The following TBC1D31 variants were observed in gnomAD, a reference collection of about 807,000 sequenced individuals.
TBC1D31 encodes TBC1 domain family member 31.
A neutral mutation model predicts 132.9 loss-of-function variants in TBC1D31; 99 were observed. That is an observed-to-expected ratio of 0.74 (90% CI 0.63 to 0.88). TBC1D31 has a LOEUF of 0.88. Among genes scored for constraint, TBC1D31 ranks in the 40% least tolerant of loss-of-function variants. The pLI is 0.00. For missense variants in TBC1D31, 1,134 were observed against 1,256.6 expected, an observed-to-expected ratio of 0.90 and a Z score of 1.48; for synonymous variants, 385 against 419.4, an observed-to-expected ratio of 0.92 and a Z score of 1.00.
chr8:123,114,332 G>GTTT (rs1818724902), intron 10 of TBC1D31, among the ~76,000 whole-genome samples: 1 of 151,942 alleles, frequency 6.6e-6, no homozygotes, highest in South Asian at 2.1e-4. Flanking sequence ...TGTTGTTGTT[G>GTTT]TTGTTGAGAC....
intron 5 of TBC1D31, 44 bp from the exon 6 acceptor site, chr8:123,097,238 A>G: frequency 6.2e-7 from 1 of 1,609,022 alleles, no homozygotes; most frequent in South Asian, 1.1e-5. Flanking sequence ...TGCTGCTACA[A>G]ACAATTGAAC....
intron 11 of TBC1D31, among the ~76,000 whole-genome samples, chr8:123,121,720 C>A (rs575177725): frequency 1.3e-3 from 205 of 152,282 alleles, no homozygotes; most frequent in African/African-American, 4.8e-3. Flanking sequence ...ATCAATTCAA[C>A]CCTTTTCTTT....
At chr8:123,160,588 C>T in the TBC1D31 span, among the ~76,000 whole-genome samples, 1 of 152,124 alleles carries the variant, frequency 6.6e-6, no homozygotes, top group Non-Finnish European at 1.5e-5. Context: ...CCAGACCTGG[C>T]TGAGCCCGGC....
chr8:123,088,207 A>G (rs1368921555), intron 4 of TBC1D31, among the ~76,000 whole-genome samples: 1 of 151,976 alleles, frequency 6.6e-6, no homozygotes, highest in Non-Finnish European at 1.5e-5. Flanking sequence ...AAAAAATACA[A>G]TACAATAAAA....
rs1817380090 is a variant in TBC1D31, at chr8:123,101,169, T to C, written c.1032+162T>C. On this transcript the variant is annotated intron_variant, in intron 7 of 21. Coordinates refer to ENST00000287380, the MANE Select transcript of TBC1D31 (RefSeq NM_145647.4). ...ACTCCCAAAGCCACATCTCTGGCCTTGATTTCTCACGTATGCTCCATTCTT... is the reference window on the plus strand; with the variant it reads ...ACTCCCAAAGCCACATCTCTGGCCTCGATTTCTCACGTATGCTCCATTCTT... The C allele has an allele frequency of 5.3e-6, 3 of 563,520 alleles. 1 individual carries two copies. In the South Asian group the frequency reaches 6.2e-5, roughly 12 times the overall value. The allele number at this position is 563,520 out of a possible 1,614,324, so 34.9% of individuals were successfully genotyped here.
chr8:123,148,726 A>C (rs1822480036), intron 20 of TBC1D31, among the ~76,000 whole-genome samples: 2 of 152,054 alleles, frequency 1.3e-5, no homozygotes. Flanking sequence ...TTTATTTTGG[A>C]GTTATTTCTG....
chr8:123,126,333 A>C, intron 12 of TBC1D31, 144 bp downstream of exon 12: 2 of 1,247,974 alleles, frequency 1.6e-6, no homozygotes, highest in Non-Finnish European at 2.2e-6. Flanking sequence ...CTTTTTCTTC[A>C]TTAAACTGCC....
intron 6 of TBC1D31, among the ~76,000 whole-genome samples, chr8:123,098,129 A>T (rs1817014261): frequency 6.6e-6 from 1 of 152,088 alleles, no homozygotes; most frequent in Admixed American, 6.5e-5. Context: ...TTACTTTTTG[A>T]TTAGGTAATA....
intron 8 of TBC1D31, among the ~76,000 whole-genome samples, chr8:123,106,207 G>GA (rs1181074179): frequency 2.0e-5 from 3 of 152,144 alleles, no homozygotes; most frequent in Admixed American, 1.3e-4. Context: ...GAAGATTTCA[G>GA]AAAAAACAAT....
chr8:123,091,923 G>A (rs1372253450), intron 4 of TBC1D31, among the ~76,000 whole-genome samples: 1 of 152,148 alleles, frequency 6.6e-6, no homozygotes, highest in East Asian at 1.9e-4. Flanking sequence ...TAATAAGATA[G>A]GATTATATAT....
intron 2 of TBC1D31, among the ~76,000 whole-genome samples, chr8:123,079,328 T>C (rs1814893031): frequency 6.6e-6 from 1 of 152,228 alleles, no homozygotes. Flanking sequence ...ATTGTGATTA[T>C]GTAGGAGAGT....
chr8:123,126,528 T>C lies in TBC1D31; in HGVS notation c.1725T>C (p.Leu575=). ...ITSQLYAWPL[L]ETVFSEVLTR... is the part of the protein sequence containing the mutation. ...TTTAGCTATATGCATGGCCTCTTCT[T>C]GAAACTGTGTTCTCAGAAGTGCTGA... is the stretch of plus-strand genomic sequence containing the variant. Residue 575 remains leucine (L), a synonymous_variant, in exon 13 of 22, where the codon CTT becomes CTC. Transcript: ENST00000287380. The C allele has an allele frequency of 6.2e-7, 1 of 1,614,002 alleles. No homozygotes were observed. The highest frequency in any genetic ancestry group is 8.5e-7 in the Non-Finnish European group (1 of 1,179,980).
At chr8:123,086,009 C>A (rs889358228) in intron 4 of TBC1D31, among the ~76,000 whole-genome samples, 1 of 152,132 alleles carries the variant, frequency 6.6e-6, no homozygotes, top group Non-Finnish European at 1.5e-5. Flanking sequence ...ACCACCTTAC[C>A]AGGGCTGGTG....
chr8:123,150,138 T>G lies in TBC1D31; in HGVS notation c.3067+10T>G. The G allele has an allele frequency of 1.3e-6, 2 of 1,594,732 alleles. No individual in the cohort carries two copies. Among genetic ancestry groups the G allele is most frequent in the Non-Finnish European group, 1.7e-6 (2 of 1,163,768 alleles). On this transcript the variant is annotated intron_variant, in intron 21 of 21. Transcript: ENST00000287380. Reference sequence around the variant, plus strand: ...GATCCCTCAACACAGAGTAAGTTGATAAGCAAGAAAATGTTATTCTGCCAT... The same window carrying G: ...GATCCCTCAACACAGAGTAAGTTGAGAAGCAAGAAAATGTTATTCTGCCAT...
intron 11 of TBC1D31, chr8:123,123,157 C>G (rs531367766): frequency 1.3e-5 from 2 of 152,346 alleles, no homozygotes; most frequent in East Asian, 3.9e-4. Context: ...CACATGCGTT[C>G]TTTGTGCAGA....
chr8:123,090,983 G>A (rs1256170325), intron 4 of TBC1D31, among the ~76,000 whole-genome samples: 1 of 151,652 alleles, frequency 6.6e-6, no homozygotes, highest in Non-Finnish European at 1.5e-5. Context: ...AAATAATAAG[G>A]TAAAATAAAC....
intron 4 of TBC1D31, among the ~76,000 whole-genome samples, chr8:123,087,564 A>G (rs559837328): frequency 6.6e-6 from 1 of 152,212 alleles, no homozygotes; most frequent in African/African-American, 2.4e-5. Flanking sequence ...TAATTGCTTT[A>G]GTACTTACAT....
chr8:123,090,897 G>A (rs576940869), intron 4 of TBC1D31, among the ~76,000 whole-genome samples: 207 of 152,124 alleles, frequency 1.4e-3, no homozygotes, highest in African/African-American at 4.7e-3. Context: ...CCAAGATCAC[G>A]CCACTGCACT....
chr8:123,103,215 G>T (rs1817615317), intron 7 of TBC1D31: 1 of 152,142 alleles, frequency 6.6e-6, no homozygotes, highest in Non-Finnish European at 1.5e-5. Context: ...ACGCACATGT[G>T]TGTGTATGCA....
Sources: gnomAD v4.1 joint callset for allele counts (sites outside exome capture counted in the v4.1 genomes callset) on GRCh38, gnomAD v4.1.1 for gene constraint, MANE v1.5 for transcripts, NCBI Gene and HGNC (gene_info 2026-07-23, HGNC 2026-07-21) for gene names.